The following SMARCC1 variants were observed in gnomAD, a reference collection of about 807,000 sequenced individuals.
The protein encoded by SMARCC1 is SWI/SNF related BAF chromatin remodeling complex subunit C1, also known as SWI/SNF complex subunit SMARCC1.
Under a neutral mutation model 147.4 loss-of-function variants are expected in SMARCC1, and 43 were observed. The ratio of observed to expected loss-of-function variants is 0.29; its 90% CI spans 0.23 to 0.38. The LOEUF is 0.38. SMARCC1 is among the 10% of genes least tolerant of loss of function. The pLI is 1.00. For missense variants in SMARCC1, 1,119 were observed against 1,381.1 expected (o/e 0.81, Z 3.01); for synonymous variants, 495 against 484.4 (o/e 1.02, Z -0.29).
intron 24 of SMARCC1, among the ~76,000 whole-genome samples, chr3:47,628,638 T>C (rs2032844907): frequency 6.6e-6 from 1 of 152,158 alleles, no homozygotes; most frequent in Non-Finnish European, 1.5e-5. Context: ...AGTGGCATGA[T>C]CTCAGCTCAC....
intron 25 of SMARCC1, among the ~76,000 whole-genome samples, chr3:47,613,385 CTT>C (rs200905934): frequency 2.0e-4 from 28 of 141,070 alleles, no homozygotes; most frequent in Admixed American, 2.1e-4. Context: ...GAACTTTTCT[CTT>C]TTTTTTTTTT....
At chr3:47,733,188 T>C (rs1234483580) in intron 5 of SMARCC1, among the ~76,000 whole-genome samples, 1 of 152,190 alleles carries the variant, frequency 6.6e-6, no homozygotes, top group Non-Finnish European at 1.5e-5. Flanking sequence ...ACAGACATAA[T>C]GTAAGCACAT....
intron 10 of SMARCC1, among the ~76,000 whole-genome samples, chr3:47,704,241 G>A (rs927424482): frequency 2.6e-5 from 4 of 152,106 alleles, no homozygotes; most frequent in African/African-American, 9.7e-5. Context: ...ATACTTAAAG[G>A]GGAAGAAAAC....
chr3:47,601,677 A>ATGGGCTAC (rs1418157669), intron 26 of SMARCC1: 2 of 151,306 alleles, frequency 1.3e-5, no homozygotes, highest in African/African-American at 4.9e-5. Context: ...GGCTGATGTG[A>ATGGGCTAC]TGGGCTACGG....
intron 9 of SMARCC1, among the ~76,000 whole-genome samples, chr3:47,708,110 T>C (rs2034038134): frequency 9.4e-6 from 1 of 105,868 alleles, no homozygotes; most frequent in Non-Finnish European, 2.0e-5. Flanking sequence ...TTTTTTTTTT[T>C]TTTTTTTGAG....
At chr3:47,684,430 T>C (rs959130936) in intron 14 of SMARCC1, among the ~76,000 whole-genome samples, 7 of 151,982 alleles carry the variant, frequency 4.6e-5, no homozygotes, top group South Asian at 4.1e-4. Context: ...AAAGCTATTA[T>C]TGGGTAGTAA....
chr3:47,590,871 C>T (rs1241032666), intron 26 of SMARCC1, 34 bp from the exon 27 acceptor site: 3 of 1,565,770 alleles, frequency 1.9e-6, no homozygotes, highest in Non-Finnish European at 1.7e-6. Flanking sequence ...TGTAAGTATA[C>T]TAGAAAGGGG....
At chr3:47,629,336 A>G (rs1487430949) in intron 24 of SMARCC1, among the ~76,000 whole-genome samples, 1 of 152,230 alleles carries the variant, frequency 6.6e-6, no homozygotes, top group East Asian at 1.9e-4. Context: ...CCTCAGCTTG[A>G]TATCATAATG....
chr3:47,587,984 G>T lies in SMARCC1; in HGVS notation c.*225C>A. Reference sequence around the variant, plus strand: ...ATGCAGGTTATTTTAAGGATGACCAGGGCACACTGTCACTACAGGTTTCCC... The same window carrying T: ...ATGCAGGTTATTTTAAGGATGACCATGGCACACTGTCACTACAGGTTTCCC... On this transcript the variant is annotated 3_prime_UTR_variant, in exon 28 of 28. Transcript: ENST00000254480. 1 of 539,700 alleles carries T rather than the reference G, an allele frequency of 1.9e-6. No homozygotes were observed. The highest frequency in any genetic ancestry group is 3.3e-6 in the Non-Finnish European group (1 of 305,422). The allele number at this position is 539,700 out of a possible 1,614,324, so 33.4% of individuals were successfully genotyped here.
rs1576380261 is a variant in SMARCC1, at chr3:47,590,942, A to G, written c.3044-105T>C. On this transcript the variant is annotated intron_variant, in intron 26 of 27. Transcript: ENST00000254480. ...ATACAAATATCCAACCTTCCAAAGG[A>G]TCTGAAATATCAACAGAGCAATAAT... The G allele has an allele frequency of 1.3e-5, 12 of 934,628 alleles. No homozygotes were observed. The East Asian group carries it at 2.9e-4, about 22-fold the overall frequency. The allele number at this position is 934,628 out of a possible 1,614,324, so 57.9% of individuals were successfully genotyped here.
chr3:47,632,059 A>G (rs1254245660), intron 24 of SMARCC1, among the ~76,000 whole-genome samples: 1 of 152,222 alleles, frequency 6.6e-6, no homozygotes, highest in African/African-American at 2.4e-5. Flanking sequence ...GTGACTGATG[A>G]CGAGGGAGTG....
intron 2 of SMARCC1, among the ~76,000 whole-genome samples, chr3:47,768,071 C>T (rs2034862783): frequency 6.6e-6 from 1 of 152,024 alleles, no homozygotes; most frequent in African/African-American, 2.4e-5. Context: ...AACTCCTGGG[C>T]TCAAGAGTTT....
chr3:47,677,710 T>C (rs368956731), intron 16 of SMARCC1, among the ~76,000 whole-genome samples: 48 of 152,086 alleles, frequency 3.2e-4, no homozygotes, highest in East Asian at 2.1e-3. Context: ...GCTTGGCTAA[T>C]TTTTATATTT....
chr3:47,600,240 T>C (rs1396297781), intron 26 of SMARCC1, among the ~76,000 whole-genome samples: 1 of 152,150 alleles, frequency 6.6e-6, no homozygotes, highest in Non-Finnish European at 1.5e-5. Flanking sequence ...TTACTTCTGC[T>C]TATGGCACCC....
Position 47,638,795 on chromosome 3 carries a change from A to G in SMARCC1, c.2321-15T>C. ...TTCAGCTCCTTCTACAAGTAAAAGA[A>G]TAAGAACAAGTACTCCAATGTGGAA... On this transcript the variant is annotated splice_polypyrimidine_tract_variant and intron_variant, in intron 21 of 27. Transcript: ENST00000254480. 1 of 1,597,114 alleles carries G rather than the reference A, an allele frequency of 6.3e-7. No homozygotes were observed. Among genetic ancestry groups the G allele is most frequent in the Non-Finnish European group, 8.6e-7 (1 of 1,164,406 alleles).
At chr3:47,708,098 T>TTTTTC (rs2034036765) in intron 9 of SMARCC1, among the ~76,000 whole-genome samples, 2 of 114,580 alleles carry the variant, frequency 1.7e-5, no homozygotes, top group East Asian at 2.5e-4. Flanking sequence ...TTTTTTTTTT[T>TTTTTC]TTTTTTTTTT....
At chr3:47,640,080 C>T (rs1435033005) in intron 21 of SMARCC1, among the ~76,000 whole-genome samples, 6 of 152,116 alleles carry the variant, frequency 3.9e-5, no homozygotes, top group Admixed American at 3.9e-4. Context: ...AAATAAACTT[C>T]TCTATGCATG....
At chr3:47,729,189 G>A (rs930686791) in intron 5 of SMARCC1, 95 bp from the exon 6 acceptor site, 4 of 736,422 alleles carry the variant, frequency 5.4e-6, no homozygotes, top group Non-Finnish European at 9.1e-6. Context: ...CTAAAAGCAT[G>A]GTTTTACTTA....
chr3:47,620,498 T>C (rs1409341322), intron 25 of SMARCC1, among the ~76,000 whole-genome samples: 1 of 152,150 alleles, frequency 6.6e-6, no homozygotes, highest in South Asian at 2.1e-4. Flanking sequence ...TTTGTTTTTT[T>C]TCCACTAAGA....
Sources: gnomAD v4.1 joint callset for allele counts (sites outside exome capture counted in the v4.1 genomes callset) on GRCh38, gnomAD v4.1.1 for gene constraint, MANE v1.5 for transcripts, NCBI Gene and HGNC (gene_info 2026-07-23, HGNC 2026-07-21) for gene names.